HAPSTR1: variants seen among roughly 807,000 people sequenced by gnomAD.
The protein encoded by HAPSTR1 is HUWE1 associated protein modifying stress responses, also known as HUWE1-associated protein modifying stress responses 1.
chr16:9,101,698 T>C, the HAPSTR1 span, among the ~76,000 whole-genome samples: 113 of 152,282 alleles, frequency 7.4e-4, no homozygotes, highest in African/African-American at 2.4e-3. Flanking sequence ...CCATTTTCTT[T>C]AATAGTGCAA....
At chr16:9,118,709 G>C in the HAPSTR1 span, 1 of 152,408 alleles carries the variant, frequency 6.6e-6, no homozygotes, top group Non-Finnish European at 1.5e-5. Flanking sequence ...GAATATACAA[G>C]ACATGCGTTT....
At chr16:9,095,333 A>T in the HAPSTR1 span, among the ~76,000 whole-genome samples, 1 of 152,226 alleles carries the variant, frequency 6.6e-6, no homozygotes, top group Non-Finnish European at 1.5e-5. Flanking sequence ...GGTTACCTTA[A>T]ATAGAACCAA....
the HAPSTR1 span, chr16:9,103,206 G>C: frequency 2.9e-5 from 47 of 1,614,026 alleles, no homozygotes; most frequent in Non-Finnish European, 3.6e-5. Flanking sequence ...ACGGAAACTA[G>C]CTCATCTGTA....
the HAPSTR1 span, chr16:9,113,037 G>GTTTTTTTTTTTTTTTTTTT: frequency 1.7e-5 from 2 of 116,440 alleles, no homozygotes; most frequent in Admixed American, 8.6e-5. Context: ...GTTTTTTTTT[G>GTTTTTTTTTTTTTTTTTTT]TTTTTTTTTT....
the HAPSTR1 span, chr16:9,110,252 T>G: frequency 6.6e-6 from 1 of 151,914 alleles, no homozygotes; most frequent in Non-Finnish European, 1.5e-5. Context: ...ACAATATTCT[T>G]GGATTTGGAG....
chr16:9,103,358 T>G, the HAPSTR1 span: 3 of 1,268,878 alleles, frequency 2.4e-6, no homozygotes, highest in Non-Finnish European at 3.2e-6. Context: ...TACTGTTTTT[T>G]GTCTTACAGT....
the HAPSTR1 span, chr16:9,106,123 A>G: frequency 6.6e-6 from 1 of 152,122 alleles, no homozygotes; most frequent in African/African-American, 2.4e-5. Flanking sequence ...AAAGTATATC[A>G]ATTGGCCGGG....
At chr16:9,092,197 G>A in the HAPSTR1 span, 51 of 1,585,666 alleles carry the variant, frequency 3.2e-5, no homozygotes, top group Non-Finnish European at 4.1e-5. Flanking sequence ...CCGCCGCGCA[G>A]CCCGAGCACA....
chr16:9,092,459 G>T, the HAPSTR1 span, among the ~76,000 whole-genome samples: 24 of 152,196 alleles, frequency 1.6e-4, no homozygotes, highest in Non-Finnish European at 2.1e-4. Context: ...CCCGGGGTTG[G>T]GGGGACAGGC....
chr16:9,116,756 A>C, the HAPSTR1 span: 1 of 1,614,226 alleles, frequency 6.2e-7, no homozygotes, highest in Non-Finnish European at 8.5e-7. Flanking sequence ...ATGCTAGTCG[A>C]AGGAGAAATG....
chr16:9,105,602 C>T, the HAPSTR1 span: 2 of 152,186 alleles, frequency 1.3e-5, no homozygotes, highest in Non-Finnish European at 2.9e-5. Flanking sequence ...TCTGATTTGT[C>T]TGAAGTGAAA....
chr16:9,112,821 C>T, the HAPSTR1 span: 1 of 152,132 alleles, frequency 6.6e-6, no homozygotes. Flanking sequence ...TACCCCTGGA[C>T]TAATCATTTA....
At chr16:9,103,330 T>C in the HAPSTR1 span, 1 of 1,493,298 alleles carries the variant, frequency 6.7e-7, no homozygotes, top group East Asian at 2.3e-5. Context: ...TTTTCACGGT[T>C]AGGTTTAGGT....
At chr16:9,113,927 A>G in the HAPSTR1 span, among the ~76,000 whole-genome samples, 1 of 152,224 alleles carries the variant, frequency 6.6e-6, no homozygotes, top group African/African-American at 2.4e-5. Context: ...AAACATCAAC[A>G]GTTGAACCTT....
At chr16:9,113,014 T>TG in the HAPSTR1 span, 1 of 150,764 alleles carries the variant, frequency 6.6e-6, no homozygotes, top group Admixed American at 6.6e-5. Context: ...GGTTTTTTTT[T>TG]TTTGTTTTTT....
At chr16:9,096,674 T>A in the HAPSTR1 span, among the ~76,000 whole-genome samples, 5 of 152,306 alleles carry the variant, frequency 3.3e-5, no homozygotes, top group South Asian at 1.0e-3. Context: ...CAAAAAATTA[T>A]TACTGAGTTT....
chr16:9,093,290 G>A, the HAPSTR1 span, among the ~76,000 whole-genome samples: 2 of 152,150 alleles, frequency 1.3e-5, no homozygotes, highest in African/African-American at 2.4e-5. Flanking sequence ...AGGTCCTGCA[G>A]TGCCCAAGAT....
At chr16:9,120,998 A>G in the HAPSTR1 span, 1 of 152,096 alleles carries the variant, frequency 6.6e-6, no homozygotes, top group African/African-American at 2.4e-5. Context: ...GTTTTTTGAG[A>G]TGGAGTCTCT....
At chr16:9,096,848 A>AGCCTGTAGTCCCAGCTACTCGGGAGGCTG in the HAPSTR1 span, among the ~76,000 whole-genome samples, 1 of 152,068 alleles carries the variant, frequency 6.6e-6, no homozygotes, top group African/African-American at 2.4e-5. Context: ...ATTTTTTTTT[A>AGCCTGTAGTCCCAGCTACTCGGGAGGCTG]ATGAAAAAAT....
Sources: allele counts gnomAD v4.1 joint callset (sites outside exome capture counted in the v4.1 genomes callset), GRCh38; gene constraint gnomAD v4.1.1; transcripts MANE v1.5; gene names NCBI Gene and HGNC (gene_info 2026-07-23, HGNC 2026-07-21).